The following FRMD5 variants were observed in gnomAD, a reference collection of about 807,000 sequenced individuals.
The protein encoded by FRMD5 is FERM domain-containing protein 5.
A neutral mutation model predicts 69.0 loss-of-function variants in FRMD5; 20 were observed. The observed-to-expected ratio is 0.29, with a 90% confidence interval of 0.20 to 0.42. FRMD5 has a LOEUF of 0.42. FRMD5 is among the 10% of genes least tolerant of loss of function. The pLI, the probability that FRMD5 is intolerant of heterozygous loss-of-function variation, is 1.00. For synonymous variants in FRMD5, 271 were observed against 260.1 expected (o/e 1.04, Z -0.40); for missense variants, 595 against 708.6 (o/e 0.84, Z 1.82).
intron 1 of FRMD5, among the ~76,000 whole-genome samples, chr15:44,006,336 T>G (rs1890447101): frequency 6.6e-6 from 1 of 152,190 alleles, no homozygotes; most frequent in Admixed American, 6.5e-5. Context: ...CCTTTCAAAA[T>G]ATTACTGCTC....
At chr15:43,993,783 T>C (rs1034887668) in intron 1 of FRMD5, among the ~76,000 whole-genome samples, 12 of 152,238 alleles carry the variant, frequency 7.9e-5, no homozygotes, top group Non-Finnish European at 1.8e-4. Flanking sequence ...CATCTATATG[T>C]ATAATTGTTA....
At chr15:44,060,149 A>G (rs1479038003) in intron 1 of FRMD5, among the ~76,000 whole-genome samples, 1 of 152,236 alleles carries the variant, frequency 6.6e-6, no homozygotes. Flanking sequence ...GGTTGCAAGT[A>G]GCAGACACTG....
intron 1 of FRMD5, among the ~76,000 whole-genome samples, chr15:44,168,953 T>C (rs971352124): frequency 2.0e-5 from 3 of 152,196 alleles, no homozygotes; most frequent in Admixed American, 2.0e-4. Context: ...TCAATATCAT[T>C]TCAAGATCGC....
chr15:44,059,192 T>A (rs115795892), intron 1 of FRMD5, among the ~76,000 whole-genome samples: 16 of 152,272 alleles, frequency 1.1e-4, no homozygotes, highest in African/African-American at 3.6e-4. Context: ...GAGAAAGCTA[T>A]GATATACAAG....
intron 13 of FRMD5, among the ~76,000 whole-genome samples, chr15:43,882,377 G>C (rs1457877793): frequency 6.7e-6 from 1 of 149,470 alleles, no homozygotes; most frequent in African/African-American, 2.5e-5. Flanking sequence ...TTTTTTTTTT[G>C]AGATGGAGTC....
At chr15:44,056,839 T>C (rs545686582) in intron 1 of FRMD5, among the ~76,000 whole-genome samples, 3 of 152,230 alleles carry the variant, frequency 2.0e-5, no homozygotes, top group African/African-American at 4.8e-5. Context: ...CTCCACACCA[T>C]TGTCTCATCA....
chr15:44,163,436 C>T (rs1175839990), intron 1 of FRMD5, among the ~76,000 whole-genome samples: 1 of 152,144 alleles, frequency 6.6e-6, no homozygotes, highest in South Asian at 2.1e-4. Flanking sequence ...ACTTTTTGAA[C>T]GACTGAGTGG....
intron 1 of FRMD5, among the ~76,000 whole-genome samples, chr15:43,938,115 C>T (rs1305582501): frequency 3.3e-5 from 5 of 151,620 alleles, no homozygotes; most frequent in African/African-American, 7.3e-5. Context: ...CTTGTAGTCC[C>T]AGCTACTCGG....
At chr15:44,048,921 T>C (rs1892543669) in intron 1 of FRMD5, among the ~76,000 whole-genome samples, 1 of 152,172 alleles carries the variant, frequency 6.6e-6, no homozygotes, top group South Asian at 2.1e-4. Flanking sequence ...TATAATCATA[T>C]ACCTAGAAAT....
At chr15:44,124,496 A>G (rs1300202731) in intron 1 of FRMD5, among the ~76,000 whole-genome samples, 1 of 151,786 alleles carries the variant, frequency 6.6e-6, no homozygotes, top group Non-Finnish European at 1.5e-5. Flanking sequence ...ACAGGAGATC[A>G]AAACCATCCT....
intron 1 of FRMD5, among the ~76,000 whole-genome samples, chr15:44,066,002 T>C (rs1309393077): frequency 6.6e-6 from 1 of 152,210 alleles, no homozygotes; most frequent in Non-Finnish European, 1.5e-5. Context: ...TGCTATGCAC[T>C]GATTGTTTTT....
chr15:43,881,285 A>G (rs1331611937), intron 13 of FRMD5, among the ~76,000 whole-genome samples: 1 of 152,142 alleles, frequency 6.6e-6, no homozygotes, highest in East Asian at 1.9e-4. Context: ...GAGGGGAGAA[A>G]GTTATGTTTC....
chr15:44,150,728 C>T (rs1237555255), intron 1 of FRMD5, among the ~76,000 whole-genome samples: 1 of 151,524 alleles, frequency 6.6e-6, no homozygotes, highest in Non-Finnish European at 1.5e-5. Context: ...GAACTCAAGG[C>T]TGCAGTGAGC....
intron 4 of FRMD5, among the ~76,000 whole-genome samples, chr15:43,910,613 G>A (rs780674618): frequency 8.4e-5 from 12 of 142,624 alleles, no homozygotes; most frequent in Non-Finnish European, 1.3e-4. Flanking sequence ...GCAACAAGAG[G>A]CACTGGTGAA....
chr15:44,089,210 T>G (rs1458785935), intron 1 of FRMD5, among the ~76,000 whole-genome samples: 2 of 152,146 alleles, frequency 1.3e-5, no homozygotes, highest in African/African-American at 4.8e-5. Context: ...CTTTTCCCAC[T>G]CTACAGCATG....
At chr15:44,198,951 T>A (rs1372370413), upstream of FRMD5, among the ~76,000 whole-genome samples, 1 of 152,192 alleles carries the variant, frequency 6.6e-6, no homozygotes, top group Non-Finnish European at 1.5e-5. Context: ...GTCTTTTGAA[T>A]TTCTTTTCCT....
intron 1 of FRMD5, among the ~76,000 whole-genome samples, chr15:43,928,072 A>G (rs2089615014): frequency 6.6e-6 from 1 of 152,150 alleles, no homozygotes; most frequent in Non-Finnish European, 1.5e-5. Context: ...GTAGTTAGGA[A>G]ATAAGGATAT....
intron 1 of FRMD5, among the ~76,000 whole-genome samples, chr15:43,961,690 A>C (rs2090204188): frequency 1.3e-5 from 2 of 152,236 alleles, no homozygotes; most frequent in African/African-American, 2.4e-5. Context: ...GCATCACATC[A>C]AAAAGCTTAT....
At chr15:43,932,444 T>A (rs1013061493) in intron 1 of FRMD5, among the ~76,000 whole-genome samples, 12 of 151,746 alleles carry the variant, frequency 7.9e-5, no homozygotes, top group African/African-American at 2.7e-4. Flanking sequence ...TCAAACCAAA[T>A]CCCCTCAGAA....
Sources: gnomAD v4.1 joint callset for allele counts (sites outside exome capture counted in the v4.1 genomes callset) on GRCh38, gnomAD v4.1.1 for gene constraint, MANE v1.5 for transcripts, NCBI Gene and HGNC (gene_info 2026-07-23, HGNC 2026-07-21) for gene names.